Variants in RNF125 observed in about 807,000 individuals in gnomAD.
RNF125 encodes the protein E3 ubiquitin-protein ligase RNF125.
A neutral mutation model predicts 26.0 loss-of-function variants in RNF125; 21 were observed. The ratio of observed to expected loss-of-function variants is 0.81; its 90% confidence interval spans 0.57 to 1.16. The LOEUF is 1.16. Ranked by LOEUF, RNF125 falls within the 50% of genes most tolerant of loss-of-function variation. The pLI is 0.00. For missense variants in RNF125, 270 were observed against 299.4 expected, an observed-to-expected ratio of 0.90 and a Z score of 0.72; for synonymous variants, 95 against 109.2, an observed-to-expected ratio of 0.87 and a Z score of 0.81.
the RNF125 span, among the ~76,000 whole-genome samples, chr18:32,087,556 A>G: frequency 6.6e-6 from 1 of 151,724 alleles, no homozygotes; most frequent in Non-Finnish European, 1.5e-5. Flanking sequence ...CCCCCCACAT[A>G]TTTGTTCACA....
chr18:32,076,300 G>C, downstream of RNF125: 1 of 325,156 alleles, frequency 3.1e-6, no homozygotes, highest in Admixed American at 3.7e-5. Flanking sequence ...ATTGTGGAAA[G>C]AGGTTTTTTT....
chr18:32,084,197 A>AT, the RNF125 span, among the ~76,000 whole-genome samples: 162 of 152,226 alleles, frequency 1.1e-3, 3 homozygotes, highest in East Asian at 0.025. Context: ...CTCTACAAAA[A>AT]TACAAAAATT....
chr18:32,030,290 G>A (rs1044845694), intron 1 of RNF125, among the ~76,000 whole-genome samples: 3 of 152,124 alleles, frequency 2.0e-5, no homozygotes, highest in African/African-American at 7.2e-5. Context: ...TGATCCGCCC[G>A]CCTCTCCCTC....
intron 4 of RNF125, among the ~76,000 whole-genome samples, chr18:32,051,063 C>G (rs1487650171): frequency 6.6e-6 from 1 of 151,762 alleles, no homozygotes; most frequent in Non-Finnish European, 1.5e-5. Flanking sequence ...CTTACTCATC[C>G]TTTGGAGCTT....
In RNF125 at chr18:32,068,867, T is replaced by C. The variant is rs2039508426; in HGVS notation, c.*483T>C. 1 of 152,468 alleles carries C rather than the reference T, an allele frequency of 6.6e-6. No individual in the cohort carries two copies. Among genetic ancestry groups the C allele is most frequent in the Non-Finnish European group, 1.5e-5 (1 of 68,318 alleles). The allele number at this position is 152,468 out of a possible 1,614,324, so 9.4% of individuals were successfully genotyped here. A position where few individuals can be genotyped will look rare whatever the true frequency, so the allele number is the denominator to read the frequency against. ...TAATAGGTTAACGTTAATAATCTTG[T>C]ATGGGAGTTGGAAAGGAAAATTTTG... On this transcript the variant is annotated 3_prime_UTR_variant, in exon 6 of 6. Coordinates refer to ENST00000217740, the MANE Select transcript of RNF125 (RefSeq NM_017831.4).
intron 4 of RNF125, among the ~76,000 whole-genome samples, chr18:32,063,968 CTTTT>C (rs747535447): frequency 1.4e-5 from 2 of 140,102 alleles, no homozygotes; most frequent in East Asian, 2.1e-4. Flanking sequence ...TGGTCTGTAT[CTTTT>C]TTTTTTTTTT....
chr18:32,030,964 CTT>C (rs2039087678), intron 1 of RNF125: 1 of 152,106 alleles, frequency 6.6e-6, no homozygotes, highest in Admixed American at 6.5e-5. Flanking sequence ...AGAGAGTTGG[CTT>C]TTATAGCAAA....
At position 32,042,241 on chromosome 18, in the gene RNF125, A is replaced by G. The variant is rs1364021145; in HGVS notation, c.381A>G (p.Gly127=). The G allele has an allele frequency of 1.2e-6, 2 of 1,613,350 alleles. No individual in the cohort carries two copies. Among genetic ancestry groups the G allele is most frequent in the East Asian group, 4.5e-5 (2 of 44,854 alleles). ...RTCQKYIDKY[G]PLQELEETAA... ...GTCAGAAGTACATAGATAAGTATGG[A>G]CCACTACAAGAACTTGAGGAGACAG... The change falls in exon 3 of 6, where the codon GGA becomes GGG. Residue 127 remains glycine (G), a synonymous_variant. Transcript: ENST00000217740.
At chr18:32,058,794 C>T (rs745501387) in intron 4 of RNF125, among the ~76,000 whole-genome samples, 1 of 152,192 alleles carries the variant, frequency 6.6e-6, no homozygotes, top group Non-Finnish European at 1.5e-5. Flanking sequence ...TTCCCAGCCT[C>T]TGGTAACCAT....
At chr18:32,065,096 G>C (rs2039471905) in intron 4 of RNF125, among the ~76,000 whole-genome samples, 1 of 152,146 alleles carries the variant, frequency 6.6e-6, no homozygotes, top group Non-Finnish European at 1.5e-5. Flanking sequence ...ATGAAGACAT[G>C]TAATTTTATT....
chr18:32,073,456 T>C (rs1281471085), downstream of RNF125, among the ~76,000 whole-genome samples: 3 of 152,184 alleles, frequency 2.0e-5, no homozygotes, highest in South Asian at 6.2e-4. Flanking sequence ...CATTCTACAG[T>C]GCACAAGACA....
intron 1 of RNF125, among the ~76,000 whole-genome samples, chr18:32,029,436 C>T (rs577497218): frequency 2.7e-4 from 38 of 140,954 alleles, no homozygotes; most frequent in African/African-American, 9.1e-4. Flanking sequence ...CCAGCCTGGG[C>T]AACAAAGTGA....
At chr18:32,045,947 TTATCTC>T (rs566868736) in intron 4 of RNF125, among the ~76,000 whole-genome samples, 1 of 152,136 alleles carries the variant, frequency 6.6e-6, no homozygotes, top group Non-Finnish European at 1.5e-5. Context: ...AAATTACACA[TTATCTC>T]TAACAGGTAA....
Position 32,042,328 on chromosome 18 carries a change from T to C in RNF125, c.413+55T>C, listed in dbSNP as rs1363012283. On this transcript the variant is annotated intron_variant, in intron 3 of 5. Coordinates refer to ENST00000217740, the MANE Select transcript of RNF125 (RefSeq NM_017831.4). Reference sequence around the variant, plus strand: ...TAAAATTGATAATGTTTATAAAGAATTTAATGGGCTGGAAACTTTAACATT... The same window carrying C: ...TAAAATTGATAATGTTTATAAAGAACTTAATGGGCTGGAAACTTTAACATT... 6 of 1,108,312 alleles carry C rather than the reference T, an allele frequency of 5.4e-6. No homozygotes were observed. In the East Asian group the frequency reaches 1.3e-4, roughly 23 times the overall value. The allele number at this position is 1,108,312 out of a possible 1,614,324, so 68.7% of individuals were successfully genotyped here.
At chr18:32,035,893 C>T (rs978590068) in intron 1 of RNF125, among the ~76,000 whole-genome samples, 1 of 152,164 alleles carries the variant, frequency 6.6e-6, no homozygotes, top group Non-Finnish European at 1.5e-5. Flanking sequence ...TGGCTCACGC[C>T]TGTAATCCCA....
chr18:32,090,795 T>C, the RNF125 span, among the ~76,000 whole-genome samples: 1 of 152,224 alleles, frequency 6.6e-6, no homozygotes, highest in Admixed American at 6.5e-5. Flanking sequence ...TTGATTTAAA[T>C]AGTCCCTTAA....
intron 3 of RNF125, 48 bp from the exon 4 acceptor site, chr18:32,045,594 C>G (rs2144484036): frequency 7.8e-7 from 1 of 1,273,942 alleles, no homozygotes. Context: ...TGACTACTAT[C>G]TAGTTGCCAA....
rs1049495007 is a variant in RNF125 at position 32,035,558 on chromosome 18, A to G, written c.165-1558A>G. On this transcript the variant is annotated intron_variant, in intron 1 of 5. Coordinates refer to ENST00000217740, the MANE Select transcript of RNF125 (RefSeq NM_017831.4). ...TAAATAAATTTGGGTGTATTCATAC[A>G]ATAGACTTCACAAAATTAGAATGGA... Among the ~76,000 whole-genome samples the G allele has an allele frequency of 6.0e-4, 92 of 152,230 alleles. 1 individual carries two copies. The highest frequency in any genetic ancestry group is 2.2e-3 in the African/African-American group (91 of 41,464).
chr18:32,083,168 C>T, the RNF125 span, among the ~76,000 whole-genome samples: 1 of 152,128 alleles, frequency 6.6e-6, no homozygotes, highest in Non-Finnish European at 1.5e-5. Flanking sequence ...TGTATTTGCT[C>T]TCCATTGTGG....
Sources: allele counts gnomAD v4.1 joint callset (sites outside exome capture counted in the v4.1 genomes callset), GRCh38; gene constraint gnomAD v4.1.1; transcripts MANE v1.5; gene names NCBI Gene and HGNC (gene_info 2026-07-23, HGNC 2026-07-21).